Variants in SPOCK1 observed in about 807,000 individuals in gnomAD.
SPOCK1 encodes SPARC (osteonectin), cwcv and kazal like domains proteoglycan 1.
Under a neutral mutation model 55.3 loss-of-function variants are expected in SPOCK1, and 23 were observed. The ratio of observed to expected loss-of-function variants is 0.42; its 90% CI spans 0.30 to 0.59. SPOCK1 has a LOEUF of 0.59. SPOCK1 is among the 20% of genes least tolerant of loss of function. The pLI is 0.22. For synonymous variants in SPOCK1, 226 were observed against 221.0 expected (o/e 1.02, Z -0.20); for missense variants, 499 against 552.5 (o/e 0.90, Z 0.97).
At chr5:137,318,578 C>G (rs1230170132) in intron 2 of SPOCK1, among the ~76,000 whole-genome samples, 1 of 151,994 alleles carries the variant, frequency 6.6e-6, no homozygotes, top group Non-Finnish European at 1.5e-5. Context: ...GGATGGTGAG[C>G]CAGATAATTG....
chr5:137,027,294 C>T (rs1361157771), intron 6 of SPOCK1, among the ~76,000 whole-genome samples: 1 of 152,094 alleles, frequency 6.6e-6, no homozygotes, highest in Non-Finnish European at 1.5e-5. Flanking sequence ...AAAGTAGGCC[C>T]CAATTTATAC....
At chr5:137,073,470 A>C (rs2127009217) in intron 5 of SPOCK1, among the ~76,000 whole-genome samples, 1 of 152,316 alleles carries the variant, frequency 6.6e-6, no homozygotes, top group Middle Eastern at 3.4e-3. Flanking sequence ...ACAGTGAGGA[A>C]GCTAGAGAGG....
chr5:137,245,778 A>AAAC (rs763084129), intron 3 of SPOCK1, among the ~76,000 whole-genome samples: 65 of 119,032 alleles, frequency 5.5e-4, no homozygotes, highest in African/African-American at 2.3e-3. Flanking sequence ...AAACAAAACA[A>AAAC]AAAAAAAACA....
At chr5:137,498,818 C>A (rs1754369114) in intron 1 of SPOCK1, among the ~76,000 whole-genome samples, 1 of 152,170 alleles carries the variant, frequency 6.6e-6, no homozygotes, top group African/African-American at 2.4e-5. Context: ...CGTCTATTCT[C>A]CGAGTGCCCC....
chr5:137,092,688 T>C (rs1753072838), intron 5 of SPOCK1, among the ~76,000 whole-genome samples: 1 of 152,204 alleles, frequency 6.6e-6, no homozygotes, highest in Non-Finnish European at 1.5e-5. Flanking sequence ...CCCAGTCCTT[T>C]CCTGATGAAT....
intron 3 of SPOCK1, among the ~76,000 whole-genome samples, chr5:137,151,802 G>A (rs1267270275): frequency 6.6e-6 from 1 of 152,202 alleles, no homozygotes; most frequent in Non-Finnish European, 1.5e-5. Flanking sequence ...CAAGCACTGG[G>A]TGAGGTATTT....
intron 2 of SPOCK1, among the ~76,000 whole-genome samples, chr5:137,381,558 C>T (rs1751465810): frequency 6.6e-6 from 1 of 152,216 alleles, no homozygotes; most frequent in Admixed American, 6.5e-5. Flanking sequence ...GTCTTCTGCA[C>T]ACCCACAAGC....
intron 2 of SPOCK1, among the ~76,000 whole-genome samples, chr5:137,328,535 G>T (rs1356519231): frequency 2.0e-5 from 3 of 152,202 alleles, no homozygotes; most frequent in Non-Finnish European, 4.4e-5. Context: ...CAGGCCGACA[G>T]TGTTCACTTA....
chr5:137,348,757 C>T (rs549487250), intron 2 of SPOCK1, among the ~76,000 whole-genome samples: 12 of 152,156 alleles, frequency 7.9e-5, no homozygotes, highest in South Asian at 2.1e-4. Context: ...ATGGAGCACA[C>T]GGACTTGTTC....
At chr5:137,491,291 C>T (rs955082246) in intron 2 of SPOCK1, among the ~76,000 whole-genome samples, 6 of 152,164 alleles carry the variant, frequency 3.9e-5, no homozygotes, top group African/African-American at 1.2e-4. Context: ...GCTGGAATTG[C>T]GAGGGGGGTT....
chr5:137,274,137 A>G (rs1043906658), intron 2 of SPOCK1, among the ~76,000 whole-genome samples: 6 of 152,108 alleles, frequency 3.9e-5, no homozygotes, highest in African/African-American at 1.4e-4. Flanking sequence ...TCTTCTGGGG[A>G]TATGAATGGG....
At chr5:137,225,234 T>A (rs1755923279) in intron 3 of SPOCK1, among the ~76,000 whole-genome samples, 1 of 152,040 alleles carries the variant, frequency 6.6e-6, no homozygotes, top group African/African-American at 2.4e-5. Context: ...TTTCCATCTC[T>A]ACCATTTTCT....
chr5:137,341,548 G>A (rs778353135), intron 2 of SPOCK1, among the ~76,000 whole-genome samples: 9 of 152,214 alleles, frequency 5.9e-5, no homozygotes, highest in Non-Finnish European at 1.0e-4. Flanking sequence ...ACAGAAGGAC[G>A]TGTGTGAACT....
At chr5:137,232,322 T>C (rs1756079811) in intron 3 of SPOCK1, among the ~76,000 whole-genome samples, 1 of 152,220 alleles carries the variant, frequency 6.6e-6, no homozygotes, top group Non-Finnish European at 1.5e-5. Flanking sequence ...TAGTTTTAAA[T>C]TTTACATTTA....
chr5:137,222,820 A>G (rs180678081), intron 3 of SPOCK1, among the ~76,000 whole-genome samples: 44 of 152,350 alleles, frequency 2.9e-4, no homozygotes, highest in Admixed American at 5.9e-4. Flanking sequence ...ACTGTCCCTC[A>G]AGGGAGTGAA....
chr5:137,453,155 C>T (rs2974495), intron 2 of SPOCK1, among the ~76,000 whole-genome samples: 61,564 of 152,016 alleles, frequency 0.4, 13,562 homozygotes, highest in East Asian at 0.64. Context: ...AAATAAGGCA[C>T]GCTTCTGAAA....
chr5:137,461,287 G>C, intron 2 of SPOCK1, among the ~76,000 whole-genome samples: 1 of 152,222 alleles, frequency 6.6e-6, no homozygotes, highest in Non-Finnish European at 1.5e-5. Context: ...TGATGCTCAA[G>C]CAGATCTTAA....
intron 6 of SPOCK1, among the ~76,000 whole-genome samples, chr5:137,020,625 G>C (rs1411703128): frequency 6.6e-6 from 1 of 151,880 alleles, no homozygotes; most frequent in African/African-American, 2.4e-5. Context: ...AGAGTAAAAA[G>C]AAGCAGCCCA....
At chr5:137,245,095 C>T (rs952739987) in intron 3 of SPOCK1, among the ~76,000 whole-genome samples, 1 of 152,182 alleles carries the variant, frequency 6.6e-6, no homozygotes, top group Non-Finnish European at 1.5e-5. Flanking sequence ...CTCTCCCTCC[C>T]ACCCCTATCC....
Sources: gnomAD v4.1 joint callset for allele counts (sites outside exome capture counted in the v4.1 genomes callset) on GRCh38, gnomAD v4.1.1 for gene constraint, MANE v1.5 for transcripts, NCBI Gene and HGNC (gene_info 2026-07-23, HGNC 2026-07-21) for gene names.